Variants in ADGRL3 observed in about 807,000 individuals in gnomAD.
ADGRL3 encodes adhesion G protein-coupled receptor L3.
ADGRL3 carries 62 observed loss-of-function variants against 153.5 expected under a neutral mutation model. The ratio of observed to expected loss-of-function variants is 0.40; its 90% CI spans 0.33 to 0.50. The LOEUF is 0.50. Among genes scored for constraint, ADGRL3 ranks in the 20% least tolerant of loss-of-function variants. ADGRL3 has a pLI of 0.47. For synonymous variants in ADGRL3, 710 were observed against 672.5 expected, an observed-to-expected ratio of 1.06 and a Z score of -0.86; for missense variants, 1,641 against 1,859.4, an observed-to-expected ratio of 0.88 and a Z score of 2.16.
intron 8 of ADGRL3, among the ~76,000 whole-genome samples, chr4:61,755,262 A>T (rs947685612): frequency 1.8e-4 from 28 of 151,924 alleles, no homozygotes; most frequent in Non-Finnish European, 3.8e-4. Flanking sequence ...CTATTTCTCT[A>T]CATCCTCTCC....
chr4:61,744,427 C>A (rs1370556996), intron 8 of ADGRL3, among the ~76,000 whole-genome samples: 2 of 152,122 alleles, frequency 1.3e-5, no homozygotes, highest in Non-Finnish European at 2.9e-5. Flanking sequence ...GGGTCCCTGA[C>A]CCCTGACCCC....
chr4:61,502,612 G>C (rs1313155656), intron 3 of ADGRL3, among the ~76,000 whole-genome samples: 1 of 151,378 alleles, frequency 6.6e-6, no homozygotes, highest in Non-Finnish European at 1.5e-5. Context: ...TTCTTAGTAG[G>C]GACAAAAGAA....
intron 21 of ADGRL3, among the ~76,000 whole-genome samples, chr4:62,011,249 C>T (rs2099185065): frequency 6.6e-6 from 1 of 152,026 alleles, no homozygotes; most frequent in Non-Finnish European, 1.5e-5. Context: ...ACAAGTTTTA[C>T]ATGTTATGAG....
At chr4:61,749,720 G>T (rs1015558676) in intron 8 of ADGRL3, among the ~76,000 whole-genome samples, 5 of 151,890 alleles carry the variant, frequency 3.3e-5, no homozygotes, top group Non-Finnish European at 4.4e-5. Context: ...AGGGTGGGGG[G>T]TGGAGGGAGG....
At chr4:61,514,322 A>G (rs766787657) in intron 3 of ADGRL3, among the ~76,000 whole-genome samples, 9 of 152,188 alleles carry the variant, frequency 5.9e-5, no homozygotes, top group Non-Finnish European at 1.2e-4. Context: ...TAGCATGTGA[A>G]TTGAAGGAAT....
chr4:61,555,866 G>A (rs1047353285), intron 4 of ADGRL3, among the ~76,000 whole-genome samples: 6 of 152,154 alleles, frequency 3.9e-5, no homozygotes, highest in Non-Finnish European at 7.4e-5. Flanking sequence ...TCACTGCGCT[G>A]GTGGGAGTGA....
intron 4 of ADGRL3, among the ~76,000 whole-genome samples, chr4:61,578,798 T>G (rs2098908213): frequency 6.6e-6 from 1 of 152,158 alleles, no homozygotes; most frequent in South Asian, 2.1e-4. Flanking sequence ...ATTTGATTTC[T>G]CTGAAATTCT....
intron 4 of ADGRL3, among the ~76,000 whole-genome samples, chr4:61,563,567 C>A (rs1318250628): frequency 6.6e-6 from 1 of 152,222 alleles, no homozygotes; most frequent in Non-Finnish European, 1.5e-5. Context: ...CAAGGGAAGG[C>A]TGTTTCATCT....
At chr4:61,396,464 T>C (rs2096869805) in intron 2 of ADGRL3, among the ~76,000 whole-genome samples, 1 of 151,916 alleles carries the variant, frequency 6.6e-6, no homozygotes, top group Admixed American at 6.6e-5. Context: ...ATAATCACAT[T>C]TGTGATGTTA....
intron 2 of ADGRL3, among the ~76,000 whole-genome samples, chr4:61,454,206 T>A (rs1393243699): frequency 6.6e-6 from 1 of 152,140 alleles, no homozygotes; most frequent in East Asian, 1.9e-4. Flanking sequence ...AGGTTTTAAT[T>A]AAACAACTCC....
At chr4:61,833,352 G>T (rs1289089639) in intron 9 of ADGRL3, among the ~76,000 whole-genome samples, 1 of 152,160 alleles carries the variant, frequency 6.6e-6, no homozygotes, top group African/African-American at 2.4e-5. Flanking sequence ...CAGGGGAATT[G>T]CAATAGAGAA....
chr4:61,405,622 A>G (rs1474927839), intron 2 of ADGRL3, among the ~76,000 whole-genome samples: 2 of 151,994 alleles, frequency 1.3e-5, no homozygotes, highest in East Asian at 3.9e-4. Flanking sequence ...GTAAAATTAT[A>G]TGCTAAATAT....
intron 13 of ADGRL3, among the ~76,000 whole-genome samples, chr4:61,924,362 T>A (rs532360542): frequency 6.6e-6 from 1 of 152,158 alleles, no homozygotes; most frequent in African/African-American, 2.4e-5. Flanking sequence ...CCACACTTTA[T>A]ACATTCACAC....
chr4:61,903,650 C>CAAAAAAAAAAAAAAAAAAAAAAAAAAAAA (rs55879235), intron 11 of ADGRL3, among the ~76,000 whole-genome samples: 1 of 72,342 alleles, frequency 1.4e-5, no homozygotes, highest in Non-Finnish European at 2.2e-5. Flanking sequence ...TGGGAAACAG[C>CAAAAAAAAAAAAAAAAAAAAAAAAAAAAA]AAAAAAAAAA....
intron 8 of ADGRL3, among the ~76,000 whole-genome samples, chr4:61,804,270 C>A (rs563949165): frequency 1.3e-5 from 2 of 152,194 alleles, no homozygotes; most frequent in African/African-American, 4.8e-5. Flanking sequence ...ACATTCAGGT[C>A]TTTGGGGGCA....
At chr4:61,466,539 G>A (rs910828669) in intron 2 of ADGRL3, among the ~76,000 whole-genome samples, 4 of 152,008 alleles carry the variant, frequency 2.6e-5, no homozygotes, top group Admixed American at 6.6e-5. Flanking sequence ...CCTTATTCAC[G>A]CCATTATATT....
intron 2 of ADGRL3, among the ~76,000 whole-genome samples, chr4:61,426,447 G>T (rs914178520): frequency 9.3e-5 from 4 of 42,962 alleles, no homozygotes; most frequent in Non-Finnish European, 2.2e-4. Context: ...CATCGGGAAT[G>T]GGGGGGTGCC....
chr4:61,293,073 G>T (rs954224787), intron 1 of ADGRL3, among the ~76,000 whole-genome samples: 1 of 152,100 alleles, frequency 6.6e-6, no homozygotes, highest in Non-Finnish European at 1.5e-5. Context: ...ACTTGCCTTA[G>T]CAGAGCAGGG....
chr4:61,573,569 AAG>A (rs2098847721), intron 4 of ADGRL3, among the ~76,000 whole-genome samples: 1 of 151,866 alleles, frequency 6.6e-6, no homozygotes, highest in African/African-American at 2.4e-5. Context: ...GTTTTTTTCT[AAG>A]TTGATATTCA....
Sources: allele counts gnomAD v4.1 joint callset (sites outside exome capture counted in the v4.1 genomes callset), GRCh38; gene constraint gnomAD v4.1.1; transcripts MANE v1.5; gene names NCBI Gene and HGNC (gene_info 2026-07-23, HGNC 2026-07-21).